The following SLC35F3 variants were observed in gnomAD, a reference collection of about 807,000 sequenced individuals.
SLC35F3 encodes the protein putative thiamine transporter SLC35F3.
In SLC35F3, 25 loss-of-function variants were observed where a neutral mutation model predicts 49.9. The observed-to-expected ratio is 0.50, with a 90% confidence interval of 0.37 to 0.70. SLC35F3 has a LOEUF of 0.70. Ranked by LOEUF, SLC35F3 falls within the 30% of genes least tolerant of loss-of-function variation. The pLI, the probability that SLC35F3 is intolerant of heterozygous loss-of-function variation, is 0.00. For synonymous variants in SLC35F3, 275 were observed against 265.4 expected, an observed-to-expected ratio of 1.04 and a Z score of -0.35; for missense variants, 525 against 639.8, an observed-to-expected ratio of 0.82 and a Z score of 1.94.
In SLC35F3 at chr1:234,214,417, A is replaced by G; in HGVS notation, c.284-17000A>G. The G allele has an allele frequency of 7.1e-7, 1 of 1,416,988 alleles. No homozygotes were observed. 87.8% of individuals were successfully genotyped at this position (1,416,988 alleles called of 1,614,324 possible). On this transcript the variant is annotated intron_variant, in intron 2 of 7. Coordinates refer to ENST00000366618, the MANE Select transcript of SLC35F3 (RefSeq NM_173508.4). The surrounding 1 kb of genome is among the most constrained non-coding windows in gnomAD (Gnocchi z 8.0). ...CCGGCGGCAGAGGGCCGCGTCGGCCACGGGCCCGGGAGAGACGCGCTCCAG... is the reference window on the plus strand; with the variant it reads ...CCGGCGGCAGAGGGCCGCGTCGGCCGCGGGCCCGGGAGAGACGCGCTCCAG...
At chr1:234,152,227 G>GTTATTA (rs61307533) in intron 2 of SLC35F3, among the ~76,000 whole-genome samples, 3,026 of 144,566 alleles carry the variant, frequency 0.021, 52 homozygotes, top group Non-Finnish European at 0.032. Context: ...TATTATTATT[G>GTTATTA]TTATTATTAT....
intron 3 of SLC35F3, among the ~76,000 whole-genome samples, chr1:234,304,527 T>C (rs1044210154): frequency 6.6e-6 from 1 of 152,174 alleles, no homozygotes; most frequent in Non-Finnish European, 1.5e-5. Flanking sequence ...TATCTTCTCT[T>C]ATCTCTGCAA....
intron 2 of SLC35F3, among the ~76,000 whole-genome samples, chr1:234,184,145 A>C (rs1014684752): frequency 1.3e-5 from 2 of 151,980 alleles, no homozygotes; most frequent in African/African-American, 4.8e-5. Flanking sequence ...TTTTAAAAAA[A>C]AAAAACAAAA....
intron 2 of SLC35F3, among the ~76,000 whole-genome samples, chr1:233,979,804 C>T (rs1266249795): frequency 6.6e-6 from 1 of 152,180 alleles, no homozygotes; most frequent in Non-Finnish European, 1.5e-5. Context: ...TATGTAGCCA[C>T]AGGCATATGA....
intron 2 of SLC35F3, among the ~76,000 whole-genome samples, chr1:234,049,977 T>G (rs189860587): frequency 1.8e-4 from 28 of 152,346 alleles, no homozygotes; most frequent in Middle Eastern, 3.4e-3. Context: ...TCATCCTTTT[T>G]TATGGCTGCA....
chr1:234,071,386 C>T (rs1220105130), intron 2 of SLC35F3, among the ~76,000 whole-genome samples: 1 of 152,106 alleles, frequency 6.6e-6, no homozygotes, highest in Admixed American at 6.5e-5. Context: ...TGTTCCCATC[C>T]TGGTTTCATT....
chr1:234,303,999 ATCCTTCCT>A (rs745697175), intron 3 of SLC35F3, among the ~76,000 whole-genome samples: 21 of 125,422 alleles, frequency 1.7e-4, no homozygotes, highest in East Asian at 4.4e-4. Context: ...TCCTAATTTT[ATCCTTCCT>A]TCCTTCCTTC....
At chr1:234,256,748 T>G (rs1667827025) in intron 3 of SLC35F3, among the ~76,000 whole-genome samples, 1 of 152,254 alleles carries the variant, frequency 6.6e-6, no homozygotes, top group Admixed American at 6.5e-5. Context: ...AGCTCAATTG[T>G]GCATGTGCAC....
chr1:233,981,371 T>G (rs1053786517), intron 2 of SLC35F3, among the ~76,000 whole-genome samples: 2 of 152,238 alleles, frequency 1.3e-5, no homozygotes, highest in Non-Finnish European at 2.9e-5. Context: ...ATCTCTATAC[T>G]TCTGTTATTT....
chr1:233,979,760 G>A (rs980148233), intron 2 of SLC35F3, among the ~76,000 whole-genome samples: 2 of 152,194 alleles, frequency 1.3e-5, no homozygotes, highest in Non-Finnish European at 2.9e-5. Context: ...TATGGGTTCT[G>A]AACAGGCTGC....
intron 2 of SLC35F3, among the ~76,000 whole-genome samples, chr1:234,108,512 T>TATATATATAAAA (rs1327594031): frequency 2.9e-5 from 3 of 102,344 alleles, no homozygotes; most frequent in South Asian, 3.2e-4. Context: ...TATATATAAA[T>TATATATATAAAA]GATATATATT....
At chr1:234,253,406 A>G (rs961005013) in intron 3 of SLC35F3, among the ~76,000 whole-genome samples, 5 of 152,014 alleles carry the variant, frequency 3.3e-5, no homozygotes, top group African/African-American at 1.2e-4. Context: ...TTATGCAATA[A>G]GGAAAGATCT....
At chr1:234,191,353 G>A (rs1666727388) in intron 2 of SLC35F3, among the ~76,000 whole-genome samples, 1 of 152,020 alleles carries the variant, frequency 6.6e-6, no homozygotes, top group South Asian at 2.1e-4. Context: ...TGATCACTGG[G>A]TCAAAAATAA....
intron 3 of SLC35F3, among the ~76,000 whole-genome samples, chr1:234,296,452 G>C (rs981400773): frequency 8.5e-5 from 13 of 152,210 alleles, no homozygotes; most frequent in Non-Finnish European, 1.6e-4. Context: ...ATATGGAGAG[G>C]CTGTTTCAGG....
At chr1:234,112,172 C>T (rs577966775) in intron 2 of SLC35F3, among the ~76,000 whole-genome samples, 1 of 151,868 alleles carries the variant, frequency 6.6e-6, no homozygotes, top group Admixed American at 6.6e-5. Flanking sequence ...TTCGTCTTTA[C>T]AAAAAAATAA....
chr1:233,910,055 A>G (rs992296887), intron 2 of SLC35F3, among the ~76,000 whole-genome samples: 7 of 152,244 alleles, frequency 4.6e-5, no homozygotes, highest in Non-Finnish European at 1.0e-4. Context: ...TGCAGCTGGC[A>G]TGATTCCACA....
At chr1:234,176,766 A>G (rs956098737) in intron 2 of SLC35F3, among the ~76,000 whole-genome samples, 14 of 152,302 alleles carry the variant, frequency 9.2e-5, no homozygotes, top group Non-Finnish European at 1.3e-4. Flanking sequence ...AACATCTACA[A>G]GTGGAGATCA....
intron 2 of SLC35F3, among the ~76,000 whole-genome samples, chr1:233,976,696 T>C (rs12745307): frequency 0.49 from 73,839 of 151,758 alleles, 20,303 homozygotes; most frequent in East Asian, 0.77. Flanking sequence ...CTGCAACCTC[T>C]GACTCCTGGG....
In SLC35F3 at chr1:233,904,986, C is replaced by T; in HGVS notation, c.-92C>T. ...CAGACCCTCGGTGGGCAGCGCACTC[C>T]AGTCTTCCCAGGCTAGCGGCTGCAG... On this transcript the variant is annotated 5_prime_UTR_variant, in exon 1 of 8. Coordinates refer to ENST00000366618, the MANE Select transcript of SLC35F3 (RefSeq NM_173508.4). The T allele has an allele frequency of 7.1e-7, 1 of 1,418,240 alleles. No individual in the cohort carries two copies. The highest frequency in any genetic ancestry group is 9.7e-7 in the Non-Finnish European group (1 of 1,035,792). 87.9% of individuals were successfully genotyped at this position (1,418,240 alleles called of 1,614,324 possible).
Sources: gnomAD v4.1 joint callset for allele counts (sites outside exome capture counted in the v4.1 genomes callset) on GRCh38, gnomAD v4.1.1 for gene constraint, Gnocchi (gnomAD v3.1) non-coding constraint, MANE v1.5 for transcripts, NCBI Gene and HGNC (gene_info 2026-07-23, HGNC 2026-07-21) for gene names.